Variants in CHIA observed in about 807,000 individuals in gnomAD.
The protein encoded by CHIA is chitinase acidic, also known as acidic mammalian chitinase.
A neutral mutation model predicts 53.5 loss-of-function variants in CHIA; 47 were observed. The ratio of observed to expected loss-of-function variants is 0.88; its 90% CI spans 0.70 to 1.12. The LOEUF is 1.12. Ranked by LOEUF, CHIA falls within the 50% of genes most tolerant of loss-of-function variation. CHIA has a pLI of 0.00. For synonymous variants in CHIA, 268 were observed against 222.2 expected (o/e 1.21, Z -1.83); for missense variants, 652 against 592.2 (o/e 1.10, Z -1.05).
At chr1:111,310,324 G>A (rs1380700915) in intron 1 of CHIA, 76 bp from the exon 2 acceptor site, 2 of 1,482,218 alleles carry the variant, frequency 1.3e-6, no homozygotes, top group African/African-American at 2.8e-5. Context: ...TCTTGGGAGG[G>A]TGTTTGTAGA....
chr1:111,318,229 T>A lies in CHIA; in HGVS notation c.729+120T>A. 2.7e-6 allele frequency: 3 copies of A among 1,116,892 alleles called. No individual in the cohort carries two copies. The South Asian group carries it at 5.0e-5, about 18-fold the overall frequency. 69.2% of individuals were successfully genotyped at this position (1,116,892 alleles called of 1,614,324 possible). On this transcript the variant is annotated intron_variant, in intron 8 of 11. Coordinates refer to ENST00000369740, the MANE Select transcript of CHIA (RefSeq NM_201653.4). ...TCTCAAATGGGAAATTAGGCTGCCA[T>A]AATTAATTAAATATTCTCATTTAAT...
At chr1:111,294,688 T>C (rs928508588) in intron 1 of CHIA, among the ~76,000 whole-genome samples, 12 of 152,242 alleles carry the variant, frequency 7.9e-5, no homozygotes, top group Non-Finnish European at 1.3e-4. Context: ...TTTTCAAACA[T>C]AGCTTTTATT....
At chr1:111,295,989 G>T (rs1222213525) in intron 1 of CHIA, among the ~76,000 whole-genome samples, 3 of 152,234 alleles carry the variant, frequency 2.0e-5, no homozygotes, top group Admixed American at 6.5e-5. Context: ...GACCTGTGAG[G>T]CAGCAGCCTG....
chr1:111,308,244 A>G (rs911738810), intron 1 of CHIA, among the ~76,000 whole-genome samples: 3 of 152,224 alleles, frequency 2.0e-5, no homozygotes, highest in African/African-American at 7.2e-5. Flanking sequence ...CTCACTAGCT[A>G]TAAATGGTAG....
chr1:111,296,109 A>G (rs61803522), intron 1 of CHIA, among the ~76,000 whole-genome samples: 28,418 of 152,258 alleles, frequency 0.19, 3,123 homozygotes, highest in Non-Finnish European at 0.26. Flanking sequence ...GGCTGCCTCT[A>G]TAGACTCCAC....
At chr1:111,305,498 C>T (rs1275896396) in intron 1 of CHIA, among the ~76,000 whole-genome samples, 1 of 152,216 alleles carries the variant, frequency 6.6e-6, no homozygotes, top group African/African-American at 2.4e-5. Flanking sequence ...GTATAAGCTG[C>T]TCCTGGAACA....
chr1:111,320,542 A>G lies in CHIA; in HGVS notation c.*76A>G, dbSNP rs1382629165. 2 of 1,381,430 alleles carry G rather than the reference A, an allele frequency of 1.4e-6. No homozygotes were observed. Among genetic ancestry groups the G allele is most frequent in the Admixed American group, 1.8e-5 (1 of 56,036 alleles). 85.6% of individuals were successfully genotyped at this position (1,381,430 alleles called of 1,614,324 possible). A position where few individuals can be genotyped will look rare whatever the true frequency, so the allele number is the denominator to read the frequency against. ...ATGTTGCCCCTACCTAAAGTCCTGC[A>G]ATAAAATCAGCAGTCAAAACATGAC... On this transcript the variant is annotated 3_prime_UTR_variant, in exon 12 of 12. Coordinates refer to ENST00000369740, the MANE Select transcript of CHIA (RefSeq NM_201653.4).
chr1:111,317,661 T>C lies in CHIA; in HGVS notation c.481-20T>C. ...AAAATCAGCATCATAGATGTCCTAT[T>C]ATGCCTTATTATTCTGTAGGAAATG... On this transcript the variant is annotated intron_variant, in intron 6 of 11. Transcript: ENST00000369740. 2 of 1,613,376 alleles carry C rather than the reference T, an allele frequency of 1.2e-6. No individual in the cohort carries two copies. Among genetic ancestry groups the C allele is most frequent in the African/African-American group, 1.3e-5 (1 of 75,048 alleles).
At chr1:111,315,686 T>A (rs1224069917) in intron 6 of CHIA, 2 of 545,930 alleles carry the variant, frequency 3.7e-6, no homozygotes, top group Non-Finnish European at 6.9e-6. Context: ...ATCTTCATAT[T>A]TACTCTATGG....
At chr1:111,318,388 G>A in intron 8 of CHIA, 105 bp from the exon 9 acceptor site, 2 of 1,018,312 alleles carry the variant, frequency 2.0e-6, no homozygotes, top group Admixed American at 2.6e-5. Context: ...TAATCCATCT[G>A]GAATTAACAG....
chr1:111,300,412 C>A (rs189591906), intron 1 of CHIA, among the ~76,000 whole-genome samples: 192 of 152,234 alleles, frequency 1.3e-3, no homozygotes, highest in African/African-American at 4.5e-3. Flanking sequence ...GAATAGAGGC[C>A]TCAGAAATAA....
chr1:111,309,678 T>C (rs1216349690), intron 1 of CHIA, among the ~76,000 whole-genome samples: 4 of 152,230 alleles, frequency 2.6e-5, no homozygotes, highest in African/African-American at 9.6e-5. Context: ...TGGTAGTGAA[T>C]TATGTTTGGA....
intron 1 of CHIA, among the ~76,000 whole-genome samples, chr1:111,302,099 T>G (rs968019192): frequency 1.5e-4 from 23 of 152,240 alleles, no homozygotes; most frequent in African/African-American, 5.3e-4. Flanking sequence ...TAGTCAGTAG[T>G]AATGTCCCCA....
chr1:111,306,115 T>G (rs1648164494), intron 1 of CHIA, among the ~76,000 whole-genome samples: 1 of 152,244 alleles, frequency 6.6e-6, no homozygotes, highest in East Asian at 1.9e-4. Flanking sequence ...CCCATTTTCA[T>G]GGAAAACCTT....
At chr1:111,297,900 G>GAA (rs1647310787) in intron 1 of CHIA, among the ~76,000 whole-genome samples, 1 of 12,534 alleles carries the variant, frequency 8.0e-5, no homozygotes, top group African/African-American at 3.4e-4. Context: ...CAAATGGAAA[G>GAA]CAAAAAAAAA....
In CHIA at chr1:111,303,556, T is replaced by C. The variant is rs536699044; in HGVS notation, c.-68-6844T>C. On this transcript the variant is annotated intron_variant, in intron 1 of 11. Transcript: ENST00000369740. The stretch of plus-strand genomic sequence containing the variant: ...TGGTTACAATGGGGATTACATTTAA[T>C]ATCCTAAGGTTATAACATTCTAATT... Among the ~76,000 whole-genome samples, 15 of 152,212 alleles carry C rather than the reference T, an allele frequency of 9.9e-5. 1 individual carries two copies. In the East Asian group the frequency reaches 2.3e-3, roughly 23 times the overall value.
intron 1 of CHIA, among the ~76,000 whole-genome samples, chr1:111,304,555 T>G (rs1468643807): frequency 3.9e-5 from 6 of 152,244 alleles, no homozygotes; most frequent in Admixed American, 3.9e-4. Flanking sequence ...ATTTCAGTTA[T>G]ATTACTTTTT....
chr1:111,298,227 C>T (rs1647369745), intron 1 of CHIA, among the ~76,000 whole-genome samples: 1 of 151,736 alleles, frequency 6.6e-6, no homozygotes, highest in Non-Finnish European at 1.5e-5. Flanking sequence ...TTGAACTCAG[C>T]TCTGCACTAA....
intron 5 of CHIA, 124 bp downstream of exon 5, chr1:111,314,720 T>A (rs1019221603): frequency 1.3e-5 from 8 of 635,610 alleles, no homozygotes; most frequent in Non-Finnish European, 2.2e-5. Context: ...TAAACAAATA[T>A]ATGAATTAAA....
Sources: allele counts gnomAD v4.1 joint callset (sites outside exome capture counted in the v4.1 genomes callset), GRCh38; gene constraint gnomAD v4.1.1; transcripts MANE v1.5; gene names NCBI Gene and HGNC (gene_info 2026-07-23, HGNC 2026-07-21).